Variants in ANO3 observed in about 807,000 individuals in gnomAD.
The protein encoded by ANO3 is anoctamin-3.
Under a neutral mutation model 144.8 loss-of-function variants are expected in ANO3, and 99 were observed. The ratio of observed to expected loss-of-function variants is 0.68; its 90% CI spans 0.58 to 0.81. The LOEUF is 0.81. ANO3 is among the 30% of genes least tolerant of loss of function. The probability of loss-of-function intolerance (pLI) is 0.00; values close to 1 mark genes in which losing one functional copy is unlikely to be tolerated. For missense variants in ANO3, 905 were observed against 1,202.2 expected, an observed-to-expected ratio of 0.75 and a Z score of 3.66; for synonymous variants, 414 against 392.6, an observed-to-expected ratio of 1.05 and a Z score of -0.64.
chr11:26,295,003 A>G (rs1854053528), intron 1 of ANO3, among the ~76,000 whole-genome samples: 1 of 151,926 alleles, frequency 6.6e-6, no homozygotes, highest in African/African-American at 2.4e-5. Flanking sequence ...AATTCAAGCG[A>G]TTCCCCTGCC....
At chr11:26,282,310 G>GTTT (rs780885084) in intron 1 of ANO3, among the ~76,000 whole-genome samples, 37 of 141,732 alleles carry the variant, frequency 2.6e-4, no homozygotes, top group African/African-American at 9.1e-4. Flanking sequence ...CATTTTTTTT[G>GTTT]TTTTTTTTTT....
intron 1 of ANO3, among the ~76,000 whole-genome samples, chr11:26,410,395 C>A (rs191474045): frequency 5.3e-5 from 8 of 152,076 alleles, no homozygotes; most frequent in African/African-American, 1.9e-4. Context: ...AGAAAGTATA[C>A]ACTGAGTAGT....
At chr11:26,451,833 C>T (rs538705965) in intron 3 of ANO3, among the ~76,000 whole-genome samples, 72 of 152,292 alleles carry the variant, frequency 4.7e-4, no homozygotes, top group African/African-American at 1.7e-3. Flanking sequence ...TGGGAGACAC[C>T]CCCTAGTAGG....
chr11:26,610,684 A>T, intron 17 of ANO3, among the ~76,000 whole-genome samples: 1 of 152,094 alleles, frequency 6.6e-6, no homozygotes, highest in Non-Finnish European at 1.5e-5. Context: ...TTTAATTGCA[A>T]TTGAGTTGAT....
intron 1 of ANO3, among the ~76,000 whole-genome samples, chr11:26,199,260 T>C (rs901164059): frequency 1.1e-4 from 16 of 152,248 alleles, no homozygotes; most frequent in Non-Finnish European, 1.5e-4. Context: ...CTAAAATAGA[T>C]GGAAACTGAG....
chr11:26,423,353 G>A (rs1200179435), intron 1 of ANO3, among the ~76,000 whole-genome samples: 1 of 125,050 alleles, frequency 8.0e-6, no homozygotes, highest in Admixed American at 9.9e-5. Context: ...TACTTCCCCT[G>A]TGAATAAGCA....
chr11:26,434,484 C>T (rs1858227691), intron 1 of ANO3, among the ~76,000 whole-genome samples: 1 of 152,030 alleles, frequency 6.6e-6, no homozygotes, highest in Admixed American at 6.6e-5. Flanking sequence ...GGTTGGTTTA[C>T]TCTTGCTTCT....
intron 4 of ANO3, among the ~76,000 whole-genome samples, chr11:26,505,992 C>CAAA (rs56193607): frequency 2.5e-5 from 2 of 78,446 alleles, no homozygotes; most frequent in African/African-American, 5.2e-5. Flanking sequence ...GACTCTGTCT[C>CAAA]AAAAAAAAAA....
At chr11:26,461,192 A>G (rs1487781051) in intron 3 of ANO3, among the ~76,000 whole-genome samples, 1 of 152,120 alleles carries the variant, frequency 6.6e-6, no homozygotes, top group East Asian at 1.9e-4. Context: ...ATAAAAACAC[A>G]AAACACTCTA....
intron 14 of ANO3, among the ~76,000 whole-genome samples, chr11:26,566,466 G>T (rs1301410127): frequency 6.6e-6 from 1 of 151,774 alleles, no homozygotes; most frequent in African/African-American, 2.4e-5. Flanking sequence ...TATCTAGTTT[G>T]AATTAATACT....
intron 14 of ANO3, 73 bp downstream of exon 14, chr11:26,559,852 A>G (rs1473462792): frequency 1.2e-6 from 1 of 863,524 alleles, no homozygotes; most frequent in Middle Eastern, 3.4e-4. Flanking sequence ...ACACACACAC[A>G]CACACACACA....
At chr11:26,525,744 T>G in intron 7 of ANO3, 65 bp downstream of exon 7, 1 of 1,243,532 alleles carries the variant, frequency 8.0e-7, no homozygotes, top group African/African-American at 1.5e-5. Flanking sequence ...AAGAAGATAT[T>G]TGATTCCCCA....
intron 19 of ANO3, 121 bp downstream of exon 19, chr11:26,634,436 A>G (rs1852886091): frequency 1.6e-6 from 1 of 629,904 alleles, no homozygotes. Context: ...AGTTGGCACA[A>G]AAAAATAAAA....
chr11:26,428,785 G>T (rs1198248154), intron 1 of ANO3, among the ~76,000 whole-genome samples: 1 of 152,058 alleles, frequency 6.6e-6, no homozygotes, highest in Non-Finnish European at 1.5e-5. Flanking sequence ...TCAATGAAAA[G>T]TGAGAAACAA....
chr11:26,579,540 G>A (rs1851075719), intron 14 of ANO3, among the ~76,000 whole-genome samples: 1 of 152,150 alleles, frequency 6.6e-6, no homozygotes, highest in Non-Finnish European at 1.5e-5. Context: ...AATTTGCAGG[G>A]AACATTGAAA....
At chr11:26,646,083 A>C (rs1853335867) in intron 23 of ANO3, among the ~76,000 whole-genome samples, 2 of 152,174 alleles carry the variant, frequency 1.3e-5, no homozygotes, top group South Asian at 4.1e-4. Context: ...TCAGGGAATC[A>C]GTGCTATCAA....
In ANO3 at chr11:26,537,543, G is replaced by C. The variant is rs1388672426; in HGVS notation, c.1032+82G>C. ...GTCCTGTTGTTTGCATTTGAATCTAGCTGTCCACTCCCAGGAGGATTCAGT... is the reference window on the plus strand; with the variant it reads ...GTCCTGTTGTTTGCATTTGAATCTACCTGTCCACTCCCAGGAGGATTCAGT... On this transcript the variant is annotated intron_variant, in intron 10 of 26. Coordinates refer to ENST00000256737, the MANE Select transcript of ANO3 (RefSeq NM_031418.4). 6 of 1,158,046 alleles carry C rather than the reference G, an allele frequency of 5.2e-6. No individual in the cohort carries two copies. The Admixed American group carries it at 8.4e-5, about 16-fold the overall frequency. The allele number at this position is 1,158,046 out of a possible 1,614,324, so 71.7% of individuals were successfully genotyped here.
intron 24 of ANO3, among the ~76,000 whole-genome samples, chr11:26,650,691 A>G (rs186163719): frequency 3.6e-4 from 55 of 152,340 alleles, no homozygotes; most frequent in Non-Finnish European, 4.4e-4. Context: ...TTGATTTAAT[A>G]AAATCTCCAC....
intron 1 of ANO3, among the ~76,000 whole-genome samples, chr11:26,362,398 T>G (rs1263954468): frequency 3.3e-5 from 5 of 152,200 alleles, no homozygotes; most frequent in African/African-American, 7.2e-5. Flanking sequence ...TTATGGACTC[T>G]AAAACAGATA....
Sources: gnomAD v4.1 joint callset for allele counts (sites outside exome capture counted in the v4.1 genomes callset) on GRCh38, gnomAD v4.1.1 for gene constraint, MANE v1.5 for transcripts, NCBI Gene and HGNC (gene_info 2026-07-23, HGNC 2026-07-21) for gene names.